Variants in CSMD1 observed in about 807,000 individuals in gnomAD.
CSMD1 encodes the protein CUB and Sushi multiple domains 1.
CSMD1 carries 213 observed loss-of-function variants against 417.5 expected under a neutral mutation model. That is an observed-to-expected ratio of 0.51 (90% CI 0.46 to 0.57). The LOEUF is 0.57. Among genes scored for constraint, CSMD1 ranks in the 20% least tolerant of loss-of-function variants. The pLI is 0.00. For synonymous variants in CSMD1, 2,862 were observed against 1,736.8 expected, an observed-to-expected ratio of 1.65 and a Z score of -16.11; for missense variants, 6,923 against 4,529.7, an observed-to-expected ratio of 1.53 and a Z score of -15.17.
intron 3 of CSMD1, among the ~76,000 whole-genome samples, chr8:4,208,172 T>A (rs1000389274): frequency 6.6e-6 from 1 of 152,152 alleles, no homozygotes; most frequent in East Asian, 1.9e-4. Context: ...GGCTAAGGTG[T>A]TAGAAATGAA....
intron 20 of CSMD1, among the ~76,000 whole-genome samples, chr8:3,360,763 C>T (rs1809106727): frequency 6.6e-6 from 1 of 152,124 alleles, no homozygotes; most frequent in African/African-American, 2.4e-5. Flanking sequence ...TTAGGGTTCC[C>T]CTAACTCGGA....
chr8:4,178,399 C>G (rs1193261139), intron 3 of CSMD1, among the ~76,000 whole-genome samples: 1 of 150,782 alleles, frequency 6.6e-6, no homozygotes, highest in Non-Finnish European at 1.5e-5. Flanking sequence ...GCTAAAAACT[C>G]TCAATAAATT....
chr8:4,315,757 G>C (rs147591969), intron 3 of CSMD1, among the ~76,000 whole-genome samples: 1 of 152,180 alleles, frequency 6.6e-6, no homozygotes, highest in East Asian at 1.9e-4. Flanking sequence ...AAAGCAACTA[G>C]CTGGTCATTT....
At chr8:4,526,851 C>A (rs911935315) in intron 2 of CSMD1, among the ~76,000 whole-genome samples, 4 of 152,012 alleles carry the variant, frequency 2.6e-5, no homozygotes, top group African/African-American at 9.7e-5. Flanking sequence ...TTTCTCCCCC[C>A]AAGAAGACAT....
chr8:3,509,431 G>C (rs1174264237), intron 10 of CSMD1, among the ~76,000 whole-genome samples: 3 of 152,146 alleles, frequency 2.0e-5, no homozygotes, highest in East Asian at 1.9e-4. Context: ...ACAATGTTTT[G>C]GTGATTCTGC....
rs1288128325 is a variant in CSMD1, at chr8:4,803,351, G to C, written c.86-165793C>G. Among the ~76,000 whole-genome samples the C allele has an allele frequency of 4.6e-5, 7 of 152,182 alleles. No individual in the cohort carries two copies. The South Asian group carries it at 8.3e-4, about 18-fold the overall frequency. On this transcript the variant is annotated intron_variant, in intron 1 of 69. Coordinates refer to ENST00000635120, the MANE Select transcript of CSMD1 (RefSeq NM_033225.6). ...AAATAAGCCTTCGAAATATAAAAAG[G>C]GTTTCAGTTACTATTAACTACCAGT...
intron 3 of CSMD1, among the ~76,000 whole-genome samples, chr8:4,143,049 A>C (rs549192152): frequency 6.6e-6 from 1 of 151,148 alleles, no homozygotes; most frequent in East Asian, 1.9e-4. Context: ...CCAATCACAC[A>C]AACAAAATGA....
intron 27 of CSMD1, among the ~76,000 whole-genome samples, chr8:3,224,816 G>A (rs1009028906): frequency 6.6e-6 from 1 of 152,138 alleles, no homozygotes; most frequent in Non-Finnish European, 1.5e-5. Context: ...GTGAGATAAG[G>A]TTTCTCCTAA....
chr8:3,371,748 C>T (rs1023855918), intron 18 of CSMD1, among the ~76,000 whole-genome samples: 1 of 152,132 alleles, frequency 6.6e-6, no homozygotes, highest in Admixed American at 6.5e-5. Flanking sequence ...AATACGTAAA[C>T]CTCATGGGAA....
chr8:4,265,136 T>A (rs1419663740), intron 3 of CSMD1, among the ~76,000 whole-genome samples: 2 of 152,296 alleles, frequency 1.3e-5, no homozygotes, highest in African/African-American at 4.8e-5. Flanking sequence ...CTAACTTAAT[T>A]TGACCTCGAC....
chr8:3,990,232 T>C (rs745660731), intron 5 of CSMD1, among the ~76,000 whole-genome samples: 12 of 152,200 alleles, frequency 7.9e-5, no homozygotes, highest in South Asian at 2.1e-4. Context: ...GTTGATGAAA[T>C]ACATTTTAAT....
intron 3 of CSMD1, among the ~76,000 whole-genome samples, chr8:4,288,169 T>A (rs562010505): frequency 3.9e-5 from 6 of 152,136 alleles, no homozygotes; most frequent in Non-Finnish European, 7.4e-5. Flanking sequence ...CACTAGAGAG[T>A]AGAACACTTT....
intron 5 of CSMD1, among the ~76,000 whole-genome samples, chr8:3,972,904 A>G (rs1213684167): frequency 6.6e-6 from 1 of 152,250 alleles, no homozygotes; most frequent in African/African-American, 2.4e-5. Flanking sequence ...TAAAAATGGA[A>G]AACAACCTAA....
At chr8:3,401,563 G>C (rs956315894) in intron 15 of CSMD1, among the ~76,000 whole-genome samples, 7 of 152,116 alleles carry the variant, frequency 4.6e-5, no homozygotes, top group Non-Finnish European at 1.0e-4. Flanking sequence ...GTTTGTATTA[G>C]TCAGTTTGGA....
chr8:4,660,078 C>G (rs893948051), intron 1 of CSMD1, among the ~76,000 whole-genome samples: 3 of 140,510 alleles, frequency 2.1e-5, no homozygotes, highest in Non-Finnish European at 3.0e-5. Flanking sequence ...GATGTCCACT[C>G]TTATTCAATA....
chr8:3,590,607 C>CT (rs1378935865), intron 8 of CSMD1, among the ~76,000 whole-genome samples: 3 of 152,076 alleles, frequency 2.0e-5, no homozygotes, highest in African/African-American at 7.2e-5. Flanking sequence ...ATCATGAAAC[C>CT]TTTTTGCAAA....
At chr8:3,705,962 A>G (rs1188483029) in intron 7 of CSMD1, among the ~76,000 whole-genome samples, 1 of 152,234 alleles carries the variant, frequency 6.6e-6, no homozygotes, top group African/African-American at 2.4e-5. Flanking sequence ...TTGGGTATCA[A>G]GAACGTAAAG....
At chr8:4,483,625 T>A (rs989031884) in intron 2 of CSMD1, among the ~76,000 whole-genome samples, 6 of 152,292 alleles carry the variant, frequency 3.9e-5, no homozygotes, top group African/African-American at 1.4e-4. Flanking sequence ...TAAGACTAAT[T>A]TAAAACAGCA....
chr8:4,720,057 G>A (rs542599268), intron 1 of CSMD1, among the ~76,000 whole-genome samples: 1 of 151,902 alleles, frequency 6.6e-6, no homozygotes, highest in South Asian at 2.1e-4. Context: ...TTATTCCTGT[G>A]GTGAGGCTTT....
Sources: gnomAD v4.1 joint callset for allele counts (sites outside exome capture counted in the v4.1 genomes callset) on GRCh38, gnomAD v4.1.1 for gene constraint, MANE v1.5 for transcripts, NCBI Gene and HGNC (gene_info 2026-07-23, HGNC 2026-07-21) for gene names.